SDHB: variants seen among roughly 807,000 people sequenced by gnomAD.
SDHB encodes succinate dehydrogenase complex iron sulfur subunit B.
Under a neutral mutation model 39.7 loss-of-function variants are expected in SDHB, and 21 were observed. The ratio of observed to expected loss-of-function variants is 0.53; its 90% CI spans 0.37 to 0.76. SDHB has a LOEUF of 0.76. SDHB is among the 30% of genes least tolerant of loss of function. The pLI is 0.00. For synonymous variants in SDHB, 118 were observed against 117.0 expected (o/e 1.01, Z -0.06); for missense variants, 343 against 350.9 (o/e 0.98, Z 0.18).
chr1:17,029,136 C>T (rs1409030077), intron 3 of SDHB, among the ~76,000 whole-genome samples: 2 of 116,936 alleles, frequency 1.7e-5, no homozygotes, highest in African/African-American at 3.0e-5. Flanking sequence ...GAAAGGGTCT[C>T]ACTCTGTCAC....
At chr1:17,049,300 AC>A (rs2078131444) in intron 1 of SDHB, among the ~76,000 whole-genome samples, 1 of 148,968 alleles carries the variant, frequency 6.7e-6, no homozygotes, top group South Asian at 2.1e-4. Context: ...CCTAACTTGG[AC>A]TTTTTTTTTT....
At chr1:17,031,555 C>T (rs1447014374) in intron 3 of SDHB, among the ~76,000 whole-genome samples, 4 of 152,022 alleles carry the variant, frequency 2.6e-5, no homozygotes, top group Non-Finnish European at 5.9e-5. Context: ...GTTTAACTGC[C>T]GCAGAATGTT....
chr1:17,046,602 T>C (rs2078111475), intron 1 of SDHB, among the ~76,000 whole-genome samples: 1 of 152,206 alleles, frequency 6.6e-6, no homozygotes, highest in African/African-American at 2.4e-5. Context: ...ATAAATGGCA[T>C]CATACGGTAC....
Position 17,042,954 on chromosome 1 carries a change from G to GTTTTTTTTTTTTTTTTTT in SDHB, c.200+1789_200+1806dup, listed in dbSNP as rs143394198. Among the ~76,000 whole-genome samples, 19 of 62,894 alleles carry GTTTTTTTTTTTTTTTTTT rather than the reference G, an allele frequency of 3.0e-4. 4 individuals are homozygous for GTTTTTTTTTTTTTTTTTT. Among genetic ancestry groups the GTTTTTTTTTTTTTTTTTT allele is most frequent in the East Asian group, 1.2e-3 (2 of 1,702 alleles). 41.3% of individuals were successfully genotyped at this position (62,894 alleles called of 152,430 possible). A position where few individuals can be genotyped will look rare whatever the true frequency, so the allele number is the denominator to read the frequency against. On this transcript the variant is annotated intron_variant, in intron 2 of 7. Transcript: ENST00000375499. Reference sequence around the variant, plus strand: ...AGCAGTAGGGTTTTTTGTTTTATGAGTTTTTTTTTTTTTTTTTTTTTTTTT... The same window carrying GTTTTTTTTTTTTTTTTTT: ...AGCAGTAGGGTTTTTTGTTTTATGAGTTTTTTTTTTTTTTTTTTTTTTTTTTTTTTTTTTTTTTTTTTT...
At chr1:17,025,300 C>G (rs1415416224) in intron 5 of SDHB, among the ~76,000 whole-genome samples, 1 of 151,676 alleles carries the variant, frequency 6.6e-6, no homozygotes, top group African/African-American at 2.4e-5. Context: ...GATATAAAAG[C>G]ATATTTACAT....
intron 2 of SDHB, among the ~76,000 whole-genome samples, chr1:17,039,989 C>T (rs1389151016): frequency 6.6e-6 from 1 of 152,164 alleles, no homozygotes; most frequent in Non-Finnish European, 1.5e-5. Context: ...TATAGCATTT[C>T]ATGTAGTACT....
intron 1 of SDHB, among the ~76,000 whole-genome samples, chr1:17,049,822 T>C (rs1557748237): frequency 6.6e-6 from 1 of 151,934 alleles, no homozygotes; most frequent in East Asian, 1.9e-4. Flanking sequence ...CTTTTTTGTA[T>C]TTTTAGTAGG....
In SDHB at chr1:17,034,953, G is replaced by A. The variant is rs192974555; in HGVS notation, c.201-1808C>T. Among the ~76,000 whole-genome samples the A allele has an allele frequency of 1.7e-3, 262 of 152,228 alleles. 4 individuals are homozygous for A. Among genetic ancestry groups the A allele is most frequent in the African/African-American group, 6.1e-3 (254 of 41,542 alleles). On this transcript the variant is annotated intron_variant, in intron 2 of 7. Coordinates refer to ENST00000375499, the MANE Select transcript of SDHB (RefSeq NM_003000.3). ...GGATGTAGCAGAGAATAAAAGAGAC[G>A]AATACCACCTGCCCGCACAAAGCTC...
At chr1:17,035,746 A>G (rs867181186) in intron 2 of SDHB, among the ~76,000 whole-genome samples, 28 of 151,920 alleles carry the variant, frequency 1.8e-4, no homozygotes, top group Admixed American at 1.4e-3. Context: ...TGTAGTCCCA[A>G]TTACTTGGGA....
intron 7 of SDHB, among the ~76,000 whole-genome samples, chr1:17,021,936 C>A (rs1487690219): frequency 6.6e-6 from 1 of 152,238 alleles, no homozygotes; most frequent in Non-Finnish European, 1.5e-5. Context: ...CAGACTGAGA[C>A]AGAACCTGGC....
At chr1:17,029,849 A>G (rs929273001) in intron 3 of SDHB, among the ~76,000 whole-genome samples, 3 of 152,008 alleles carry the variant, frequency 2.0e-5, no homozygotes, top group Non-Finnish European at 2.9e-5. Flanking sequence ...TCCTCCCACC[A>G]CAGCCTCCTG....
Position 17,033,056 on chromosome 1 carries a change from T to A in SDHB, c.286+4A>T. 6.2e-7 allele frequency: 1 copy of A among 1,611,314 alleles called. No individual in the cohort carries two copies. Among genetic ancestry groups the A allele is most frequent in the Non-Finnish European group, 8.5e-7 (1 of 1,177,440 alleles). On this transcript the variant is annotated splice_donor_region_variant and intron_variant, in intron 3 of 7. Coordinates refer to ENST00000375499, the MANE Select transcript of SDHB (RefSeq NM_003000.3). ...CTGGAGCCCAACAGGAATGAAATGC[T>A]CACCTTCTCTGCATGATCTTCGGAA... is the stretch of plus-strand genomic sequence containing the variant.
chr1:17,049,813 T>C (rs899640667), intron 1 of SDHB, among the ~76,000 whole-genome samples: 14 of 151,728 alleles, frequency 9.2e-5, no homozygotes, highest in African/African-American at 3.4e-4. Context: ...CCCGGCTAAC[T>C]TTTTTGTATT....
chr1:17,045,026 A>G, intron 1 of SDHB, 138 bp from the exon 2 acceptor site: 1 of 771,512 alleles, frequency 1.3e-6, no homozygotes, highest in Non-Finnish European at 2.1e-6. Flanking sequence ...AAAGGCAGGC[A>G]TTCAATATCC....
chr1:17,046,899 T>C (rs1012961485), intron 1 of SDHB, among the ~76,000 whole-genome samples: 2 of 149,412 alleles, frequency 1.3e-5, no homozygotes, highest in Admixed American at 6.6e-5. Flanking sequence ...GTATTTTTAG[T>C]AGAGATGTGG....
chr1:17,023,479 C>G (rs1245097345), intron 6 of SDHB, among the ~76,000 whole-genome samples: 1 of 152,216 alleles, frequency 6.6e-6, no homozygotes, highest in East Asian at 1.9e-4. Context: ...AAAGCACAAG[C>G]TTTCTGGGAA....
chr1:17,049,677 T>TTTTTTTTTTTTTTTG (rs1009759642), intron 1 of SDHB, among the ~76,000 whole-genome samples: 1 of 108,908 alleles, frequency 9.2e-6, no homozygotes, highest in African/African-American at 3.1e-5. Flanking sequence ...TTTTTTTTTT[T>TTTTTTTTTTTTTTTG]GTGAGACAGT....
chr1:17,047,506 G>A (rs9325648), intron 1 of SDHB, among the ~76,000 whole-genome samples: 16,149 of 151,460 alleles, frequency 0.11, 1,012 homozygotes, highest in African/African-American at 0.18. Flanking sequence ...GTGAAACCCC[G>A]TCCCTACTAA....
chr1:17,053,918 C>G (rs373297656), intron 1 of SDHB, 30 bp downstream of exon 1: 51 of 1,581,652 alleles, frequency 3.2e-5, no homozygotes, highest in Non-Finnish European at 3.7e-5. Context: ...GCTTTCCTGA[C>G]TTTTCCCTCT....
Sources: allele counts gnomAD v4.1 joint callset (sites outside exome capture counted in the v4.1 genomes callset), GRCh38; gene constraint gnomAD v4.1.1; transcripts MANE v1.5; gene names NCBI Gene and HGNC (gene_info 2026-07-23, HGNC 2026-07-21).